The following C8orf89 variants were observed in gnomAD, a reference collection of about 807,000 sequenced individuals.
C8orf89 encodes the protein putative uncharacterized protein C8orf89.
A neutral mutation model predicts 15.8 loss-of-function variants in C8orf89; 14 were observed. The observed-to-expected ratio is 0.89, with a 90% confidence interval of 0.59 to 1.39. C8orf89 has a LOEUF of 1.39. C8orf89 is among the 40% of genes most tolerant of loss of function. C8orf89 has a pLI of 0.00. For synonymous variants in C8orf89, 55 were observed against 62.2 expected, an observed-to-expected ratio of 0.88 and a Z score of 0.54; for missense variants, 181 against 184.5, an observed-to-expected ratio of 0.98 and a Z score of 0.11.
At position 73,250,147 on chromosome 8, in the gene C8orf89, TAAA is replaced by T. The variant is rs1302527189; in HGVS notation, c.337+118_337+120del. The stretch of plus-strand genomic sequence containing the variant: ...CTTAGTTTATAAAATAAACAAAGCT[TAAA>T]AGAAGTAGTAACAAAACAAAGATAA... On this transcript the variant is annotated intron_variant, in intron 3 of 3. Transcript: ENST00000624510. 1.3e-5 allele frequency: 8 copies of T among 618,634 alleles called. No individual in the cohort carries two copies. In the Admixed American group the frequency reaches 2.5e-4, roughly 19 times the overall value. 38.3% of individuals were successfully genotyped at this position (618,634 alleles called of 1,614,324 possible). A position where few individuals can be genotyped will look rare whatever the true frequency, so the allele number is the denominator to read the frequency against.
the C8orf89 span, among the ~76,000 whole-genome samples, chr8:73,276,389 C>G: frequency 2.0e-4 from 30 of 151,726 alleles, no homozygotes; most frequent in African/African-American, 7.3e-4. Context: ...TGTTGGCCAG[C>G]CTATTCTTGA....
At chr8:73,273,756 T>C in the C8orf89 span, among the ~76,000 whole-genome samples, 3 of 151,462 alleles carry the variant, frequency 2.0e-5, no homozygotes, top group Admixed American at 6.6e-5. Flanking sequence ...CAGTTTTTTT[T>C]TTTTTTTCTG....
At chr8:73,243,454 A>T (rs1206824949) in intron 3 of C8orf89, among the ~76,000 whole-genome samples, 1 of 152,094 alleles carries the variant, frequency 6.6e-6, no homozygotes, top group South Asian at 2.1e-4. Flanking sequence ...GTACCCAGAA[A>T]ATTAAAAAAA....
chr8:73,270,367 C>A, the C8orf89 span, among the ~76,000 whole-genome samples: 1 of 152,270 alleles, frequency 6.6e-6, no homozygotes, highest in East Asian at 1.9e-4. Flanking sequence ...GAATTGAGAT[C>A]CTTACTTGAA....
At chr8:73,254,550 T>G (rs550511104) in intron 2 of C8orf89, among the ~76,000 whole-genome samples, 3 of 152,256 alleles carry the variant, frequency 2.0e-5, no homozygotes, top group East Asian at 1.9e-4. Context: ...AGAAGGAAGC[T>G]GCTAAACGGG....
At chr8:73,252,098 T>G (rs559460859) in intron 2 of C8orf89, among the ~76,000 whole-genome samples, 1 of 152,264 alleles carries the variant, frequency 6.6e-6, no homozygotes, top group Non-Finnish European at 1.5e-5. Context: ...TGCCTTATTT[T>G]ATTCTAACCT....
chr8:73,259,479 C>G lies in C8orf89; in HGVS notation c.-21G>C, dbSNP rs1447489021. ...GACATTTTTTCTTCTTTCAACAGTG[C>G]TGATGAGAGGGAGATGCTGCTGCAG... On this transcript the variant is annotated 5_prime_UTR_variant, in exon 1 of 4. Coordinates refer to ENST00000624510, the MANE Select transcript of C8orf89 (RefSeq NM_001243237.3). 1 of 1,492,636 alleles carries G rather than the reference C, an allele frequency of 6.7e-7. No homozygotes were observed. Among genetic ancestry groups the G allele is most frequent in the African/African-American group, 1.4e-5 (1 of 71,268 alleles). The allele number at this position is 1,492,636 out of a possible 1,614,324, so 92.5% of individuals were successfully genotyped here. A position where few individuals can be genotyped will look rare whatever the true frequency, so the allele number is the denominator to read the frequency against.
chr8:73,273,454 T>G, the C8orf89 span, among the ~76,000 whole-genome samples: 1 of 152,234 alleles, frequency 6.6e-6, no homozygotes, highest in East Asian at 1.9e-4. Context: ...GGCACTAACA[T>G]GCCAGCCGCC....
the C8orf89 span, among the ~76,000 whole-genome samples, chr8:73,269,946 T>C: frequency 6.6e-6 from 1 of 152,208 alleles, no homozygotes; most frequent in Non-Finnish European, 1.5e-5. Context: ...TTTTTGAAGA[T>C]ATTAAGAAGG....
intron 1 of C8orf89, among the ~76,000 whole-genome samples, chr8:73,258,262 T>G (rs1813446217): frequency 6.6e-6 from 1 of 151,972 alleles, no homozygotes; most frequent in Non-Finnish European, 1.5e-5. Flanking sequence ...ATAACAAAAA[T>G]CTGCTGCGCA....
the C8orf89 span, among the ~76,000 whole-genome samples, chr8:73,264,742 C>T: frequency 4.6e-5 from 7 of 152,194 alleles, no homozygotes; most frequent in Non-Finnish European, 8.8e-5. Flanking sequence ...CCACCTGCCT[C>T]AACCTCCCAA....
At chr8:73,285,274 G>A in the C8orf89 span, among the ~76,000 whole-genome samples, 1 of 152,174 alleles carries the variant, frequency 6.6e-6, no homozygotes, top group Non-Finnish European at 1.5e-5. Context: ...ACGGATAGAT[G>A]TAAGTACTTA....
At chr8:73,262,520 T>A (rs1477283570), upstream of C8orf89, among the ~76,000 whole-genome samples, 1 of 152,118 alleles carries the variant, frequency 6.6e-6, no homozygotes, top group Non-Finnish European at 1.5e-5. Context: ...AAAAAAATTT[T>A]TTTAAGTAAC....
At chr8:73,271,378 C>A in the C8orf89 span, among the ~76,000 whole-genome samples, 1 of 152,122 alleles carries the variant, frequency 6.6e-6, no homozygotes, top group East Asian at 1.9e-4. Context: ...GGTGAGTTCT[C>A]ACTCTCATGA....
chr8:73,262,510 A>G (rs961056375), upstream of C8orf89, among the ~76,000 whole-genome samples: 2 of 152,136 alleles, frequency 1.3e-5, no homozygotes, highest in Non-Finnish European at 2.9e-5. Context: ...TCCAAAATAA[A>G]AAAAAATTTT....
chr8:73,275,941 C>A, the C8orf89 span, among the ~76,000 whole-genome samples: 1 of 152,066 alleles, frequency 6.6e-6, no homozygotes, highest in Non-Finnish European at 1.5e-5. Context: ...GATTTTGATA[C>A]TGTTTCTCTG....
intron 2 of C8orf89, 102 bp downstream of exon 2, chr8:73,256,870 AG>A: frequency 2.9e-6 from 2 of 695,542 alleles, no homozygotes; most frequent in Non-Finnish European, 2.0e-6. Context: ...AAAAAAAAAC[AG>A]GCAAAAATGA....
At chr8:73,275,944 T>C in the C8orf89 span, among the ~76,000 whole-genome samples, 1 of 152,128 alleles carries the variant, frequency 6.6e-6, no homozygotes, top group African/African-American at 2.4e-5. Flanking sequence ...TTTGATACTG[T>C]TTCTCTGATC....
chr8:73,256,477 C>T (rs1379056304), intron 2 of C8orf89, among the ~76,000 whole-genome samples: 2 of 151,822 alleles, frequency 1.3e-5, no homozygotes, highest in Non-Finnish European at 2.9e-5. Context: ...CGCCTGTAAT[C>T]CCAGCACTTT....
Sources: gnomAD v4.1 joint callset for allele counts (sites outside exome capture counted in the v4.1 genomes callset) on GRCh38, gnomAD v4.1.1 for gene constraint, MANE v1.5 for transcripts, NCBI Gene and HGNC (gene_info 2026-07-23, HGNC 2026-07-21) for gene names.